Variants in QTGAL observed in about 807,000 individuals in gnomAD.
QTGAL encodes queuosine-tRNA galactosyltransferase, also known as BGnT-like protein 1.
chr17:82,973,732 C>T, the QTGAL span, among the ~76,000 whole-genome samples: 10 of 152,180 alleles, frequency 6.6e-5, no homozygotes, highest in African/African-American at 1.7e-4. Flanking sequence ...AAGCGTCAAA[C>T]GAGCGGGCAC....
At chr17:82,951,109 G>A in the QTGAL span, among the ~76,000 whole-genome samples, 2 of 152,182 alleles carry the variant, frequency 1.3e-5, no homozygotes, top group South Asian at 2.1e-4. Context: ...AGGCATAGAT[G>A]GGTTTTAAAG....
At chr17:83,010,536 C>A in the QTGAL span, among the ~76,000 whole-genome samples, 3 of 152,244 alleles carry the variant, frequency 2.0e-5, no homozygotes, top group Non-Finnish European at 4.4e-5. Context: ...TGGGCATGGG[C>A]TCACAGGGCT....
At chr17:82,989,166 T>TA in the QTGAL span, among the ~76,000 whole-genome samples, 1 of 152,146 alleles carries the variant, frequency 6.6e-6, no homozygotes, top group African/African-American at 2.4e-5. Context: ...TATGTAGTCA[T>TA]AAAAATGAAT....
chr17:82,963,032 G>A, the QTGAL span, among the ~76,000 whole-genome samples: 2 of 152,330 alleles, frequency 1.3e-5, no homozygotes, highest in Non-Finnish European at 2.9e-5. Flanking sequence ...GACCCCTGGC[G>A]GGGCGCAGGG....
the QTGAL span, chr17:83,049,184 C>T: frequency 4.8e-5 from 9 of 187,908 alleles, no homozygotes; most frequent in East Asian, 4.8e-4. Flanking sequence ...ACCCGGGAGG[C>T]GGAGCTTGCA....
chr17:82,967,297 T>A, the QTGAL span, among the ~76,000 whole-genome samples: 4 of 152,218 alleles, frequency 2.6e-5, no homozygotes, highest in Non-Finnish European at 5.9e-5. Flanking sequence ...CGCCAGCATC[T>A]GTACGTTCCT....
chr17:83,016,828 C>T, the QTGAL span, among the ~76,000 whole-genome samples: 2 of 151,936 alleles, frequency 1.3e-5, no homozygotes, highest in Admixed American at 6.6e-5. Context: ...ATGACCCTGA[C>T]AGGTATTTCA....
the QTGAL span, among the ~76,000 whole-genome samples, chr17:83,048,017 T>TTC: frequency 2.8e-5 from 4 of 143,000 alleles, no homozygotes; most frequent in Admixed American, 6.9e-5. Flanking sequence ...CCTTCCTTCC[T>TTC]CTCTTTCTCT....
At chr17:82,984,936 G>A in the QTGAL span, among the ~76,000 whole-genome samples, 1 of 152,154 alleles carries the variant, frequency 6.6e-6, no homozygotes, top group Non-Finnish European at 1.5e-5. Context: ...TCCCCTTCGT[G>A]GCCCTGCTGG....
the QTGAL span, among the ~76,000 whole-genome samples, chr17:82,984,003 C>A: frequency 1.4e-5 from 2 of 147,206 alleles, no homozygotes; most frequent in Admixed American, 6.8e-5. Context: ...AGGGGAGAGG[C>A]CACGTGAGGA....
the QTGAL span, among the ~76,000 whole-genome samples, chr17:82,985,815 T>C: frequency 2.0e-5 from 3 of 152,150 alleles, no homozygotes; most frequent in Admixed American, 6.5e-5. Context: ...CTTACGAGGT[T>C]TTCCATTTCC....
the QTGAL span, among the ~76,000 whole-genome samples, chr17:83,040,667 T>C: frequency 6.6e-6 from 1 of 152,250 alleles, no homozygotes; most frequent in Admixed American, 6.5e-5. Flanking sequence ...TTTAAAATTC[T>C]AAGAAAAATT....
the QTGAL span, among the ~76,000 whole-genome samples, chr17:83,024,305 T>A: frequency 6.8e-6 from 1 of 146,458 alleles, no homozygotes; most frequent in Non-Finnish European, 1.5e-5. Context: ...GGGCAGGCCC[T>A]GCTTCTGAAT....
the QTGAL span, among the ~76,000 whole-genome samples, chr17:82,977,131 G>C: frequency 0.1 from 15,330 of 152,332 alleles, 984 homozygotes; most frequent in African/African-American, 0.17. Context: ...CTGAACAAAG[G>C]GAGGCAGAGG....
the QTGAL span, among the ~76,000 whole-genome samples, chr17:83,012,773 A>ACATTTTCCCC: frequency 6.6e-6 from 1 of 152,282 alleles, no homozygotes; most frequent in African/African-American, 2.4e-5. Flanking sequence ...ATCCCGAAGG[A>ACATTTTCCCC]CATTTTCCCC....
the QTGAL span, among the ~76,000 whole-genome samples, chr17:83,016,918 T>C: frequency 1.3e-5 from 2 of 152,112 alleles, no homozygotes; most frequent in Non-Finnish European, 2.9e-5. Context: ...CACGGGACCC[T>C]CAAACCTTCC....
chr17:83,051,100 C>T, the QTGAL span, among the ~76,000 whole-genome samples: 1 of 112,016 alleles, frequency 8.9e-6, no homozygotes, highest in African/African-American at 3.7e-5. Flanking sequence ...GTGCGCGCGG[C>T]AGGTGCGCGG....
At chr17:82,947,973 A>G in the QTGAL span, 1 of 152,250 alleles carries the variant, frequency 6.6e-6, no homozygotes, top group Non-Finnish European at 1.5e-5. Context: ...TGTTAAAACT[A>G]GATGCTTCTG....
At chr17:83,041,275 T>C in the QTGAL span, among the ~76,000 whole-genome samples, 7 of 151,788 alleles carry the variant, frequency 4.6e-5, no homozygotes, top group Non-Finnish European at 1.0e-4. Context: ...TACCAACATA[T>C]GCACAATGCA....
Sources: gnomAD v4.1 joint callset for allele counts (sites outside exome capture counted in the v4.1 genomes callset) on GRCh38, gnomAD v4.1.1 for gene constraint, MANE v1.5 for transcripts, NCBI Gene and HGNC (gene_info 2026-07-23, HGNC 2026-07-21) for gene names.